Variants in PIK3R1 observed in about 807,000 individuals in gnomAD.
PIK3R1 encodes the protein phosphoinositide-3-kinase regulatory subunit 1.
PIK3R1 carries 29 observed loss-of-function variants against 98.0 expected under a neutral mutation model. That is an observed-to-expected ratio of 0.30 (90% CI 0.22 to 0.40). The LOEUF is 0.40. Among genes scored for constraint, PIK3R1 ranks in the 10% least tolerant of loss-of-function variants. PIK3R1 has a pLI of 1.00. For synonymous variants in PIK3R1, 282 were observed against 311.8 expected (o/e 0.90, Z 1.01); for missense variants, 596 against 872.7 (o/e 0.68, Z 3.99).
chr5:68,299,696 T>A lies in PIK3R1; in HGVS notation c.*2095T>A, dbSNP rs1295475194. 1 of 233,130 alleles carries A rather than the reference T, an allele frequency of 4.3e-6. No individual in the cohort carries two copies. The highest frequency in any genetic ancestry group is 8.5e-6 in the Non-Finnish European group (1 of 118,028). The allele number at this position is 233,130 out of a possible 1,614,324, so 14.4% of individuals were successfully genotyped here. On this transcript the variant is annotated 3_prime_UTR_variant, in exon 16 of 16. Coordinates refer to ENST00000521381, the MANE Select transcript of PIK3R1 (RefSeq NM_181523.3). The stretch of plus-strand genomic sequence containing the variant: ...TTTAAGTACTAGGGTGAGGGTTTTC[T>A]GTTACTTTGTTTTTTAATGTTGTTC...
At chr5:68,239,316 A>G (rs1021824290) in intron 2 of PIK3R1, among the ~76,000 whole-genome samples, 2 of 152,230 alleles carry the variant, frequency 1.3e-5, no homozygotes, top group African/African-American at 4.8e-5. Context: ...GCAACAAAGA[A>G]AGAATAAAAA....
intron 2 of PIK3R1, among the ~76,000 whole-genome samples, chr5:68,232,889 T>A (rs1383170839): frequency 6.6e-6 from 1 of 152,240 alleles, no homozygotes; most frequent in Non-Finnish European, 1.5e-5. Context: ...TATTTTGTTT[T>A]CTGGCAACTA....
At position 68,226,755 on chromosome 5, in the gene PIK3R1, G is replaced by T; in HGVS notation, c.80G>T (p.Gly27Val). ...GAAGAAGATATTGACTTGCACTTGG[G>T]TGACATATTGACTGTGAATAAAGGG... ...EREEDIDLHL[G>V]DILTVNKGSL... Residue 27 changes from glycine (G) to valine (V), a missense_variant, in exon 2 of 16, where the codon GGT (glycine) becomes GTT (valine). Around this residue, in one of 3 missense-constraint regions of PIK3R1, gnomAD observed 352 missense variants for 393.3 expected, o/e 0.90. Coordinates refer to ENST00000521381, the MANE Select transcript of PIK3R1 (RefSeq NM_181523.3). 6.2e-7 allele frequency: 1 copy of T among 1,614,110 alleles called. No individual in the cohort carries two copies. The highest frequency in any genetic ancestry group is 8.5e-7 in the Non-Finnish European group (1 of 1,179,990).
At chr5:68,257,480 G>C (rs555613186) in intron 2 of PIK3R1, among the ~76,000 whole-genome samples, 1 of 152,324 alleles carries the variant, frequency 6.6e-6, no homozygotes, top group Non-Finnish European at 1.5e-5. Context: ...CCCCACAGGG[G>C]AGTAATGTAT....
At position 68,298,403 on chromosome 5, in the gene PIK3R1, C is replaced by T. The variant is rs188971814; in HGVS notation, c.*802C>T. On this transcript the variant is annotated 3_prime_UTR_variant, in exon 16 of 16. Coordinates refer to ENST00000521381, the MANE Select transcript of PIK3R1 (RefSeq NM_181523.3). ...GTTTTGCTGAAGGCTAAATTCACAG[C>T]GCTATGCAATTCTTAATTTTCATTA... is the stretch of plus-strand genomic sequence containing the variant. 148 of 233,124 alleles carry T rather than the reference C, an allele frequency of 6.3e-4. 2 individuals are homozygous for T. Among genetic ancestry groups the T allele is most frequent in the African/African-American group, 2.8e-3 (126 of 45,412 alleles). 14.4% of individuals were successfully genotyped at this position (233,124 alleles called of 1,614,324 possible).
chr5:68,279,814 A>C, intron 5 of PIK3R1, 81 bp downstream of exon 5: 1 of 1,364,114 alleles, frequency 7.3e-7, no homozygotes, highest in Non-Finnish European at 1.0e-6. Flanking sequence ...CATATATAGA[A>C]ATAGTGGTTA....
intron 2 of PIK3R1, among the ~76,000 whole-genome samples, chr5:68,255,663 G>A (rs1745486150): frequency 6.6e-6 from 1 of 152,060 alleles, no homozygotes; most frequent in African/African-American, 2.4e-5. Flanking sequence ...TTTCTAACTT[G>A]GAAGGAAATC....
chr5:68,285,500 C>T (rs1052108612), intron 7 of PIK3R1, among the ~76,000 whole-genome samples: 2 of 152,182 alleles, frequency 1.3e-5, no homozygotes, highest in Admixed American at 6.5e-5. Flanking sequence ...TGAAAAATTA[C>T]ATGTTTGTAG....
chr5:68,293,380 G>C lies in PIK3R1; in HGVS notation c.1196G>C (p.Ser399Thr), dbSNP rs1747499402. Residue 399 changes from serine (S) to threonine (T), a missense_variant, in exon 10 of 16, where the codon AGT becomes ACT. Physicochemically the swap from Ser to Thr is moderately conservative, Grantham distance 58. Coordinates refer to ENST00000521381, the MANE Select transcript of PIK3R1 (RefSeq NM_181523.3). Reference protein sequence around the residue: ...KYGFSDPLTFSSVVELINHYR... With the variant: ...KYGFSDPLTFTSVVELINHYR... ...GGCTTCTCTGACCCATTAACCTTCAGTTCTGTGGTTGAATTAATAAACCAC... is the reference window on the plus strand; with the variant it reads ...GGCTTCTCTGACCCATTAACCTTCACTTCTGTGGTTGAATTAATAAACCAC... The C allele has an allele frequency of 6.2e-7, 1 of 1,613,136 alleles. No homozygotes were observed. Among genetic ancestry groups the C allele is most frequent in the African/African-American group, 1.3e-5 (1 of 74,980 alleles).
At chr5:68,242,013 A>G (rs1744890233) in intron 2 of PIK3R1, among the ~76,000 whole-genome samples, 1 of 152,264 alleles carries the variant, frequency 6.6e-6, no homozygotes, top group Non-Finnish European at 1.5e-5. Context: ...ATTTGCACAC[A>G]CATTTGGATA....
chr5:68,224,866 C>T (rs1184607939), intron 1 of PIK3R1, among the ~76,000 whole-genome samples: 1 of 152,232 alleles, frequency 6.6e-6, no homozygotes, highest in Non-Finnish European at 1.5e-5. Context: ...AATTCCCTTG[C>T]CTCCACTATG....
intron 2 of PIK3R1, among the ~76,000 whole-genome samples, chr5:68,260,151 T>C (rs943488954): frequency 3.9e-5 from 6 of 152,192 alleles, no homozygotes; most frequent in African/African-American, 1.4e-4. Context: ...TAAGGGCAGC[T>C]TTTAGTATAT....
At position 68,301,178 on chromosome 5, in the gene PIK3R1, G is replaced by T; in HGVS notation, c.*3577G>T. 1 of 222,738 alleles carries T rather than the reference G, an allele frequency of 4.5e-6. No individual in the cohort carries two copies. 13.8% of individuals were successfully genotyped at this position (222,738 alleles called of 1,614,324 possible). A position where few individuals can be genotyped will look rare whatever the true frequency, so the allele number is the denominator to read the frequency against. Reference sequence around the variant, plus strand: ...CAGTTTAAAGCACAATGTCTCACATGGGACAAAGTTCCAAAATGCCAAATT... The same window carrying T: ...CAGTTTAAAGCACAATGTCTCACATTGGACAAAGTTCCAAAATGCCAAATT... On this transcript the variant is annotated 3_prime_UTR_variant, in exon 16 of 16. Transcript: ENST00000521381.
At chr5:68,235,872 A>ATTTTTTTTTTT (rs56930555) in intron 2 of PIK3R1, among the ~76,000 whole-genome samples, 1 of 146,644 alleles carries the variant, frequency 6.8e-6, no homozygotes. Context: ...TCTGCCAGGC[A>ATTTTTTTTTTT]TTTTTTTTTT....
rs761724540 is a variant in PIK3R1 at position 68,271,139 on chromosome 5, G to A, written c.335-2251G>A. ...TTACTAGCCCATTCCTGGATGTTCC[G>A]ATTCTGAAGATTTAGGGTGGTACCT... is the stretch of plus-strand genomic sequence containing the variant. On this transcript the variant is annotated intron_variant, in intron 2 of 15. Coordinates refer to ENST00000521381, the MANE Select transcript of PIK3R1 (RefSeq NM_181523.3). 5.9e-5 allele frequency among the ~76,000 whole-genome samples: 9 copies of A among 152,074 alleles called. No homozygotes were observed. In the South Asian group the frequency reaches 6.2e-4, roughly 10 times the overall value.
chr5:68,262,456 A>G (rs951994439), intron 2 of PIK3R1, among the ~76,000 whole-genome samples: 20 of 146,616 alleles, frequency 1.4e-4, no homozygotes, highest in Non-Finnish European at 2.6e-4. Flanking sequence ...TAGAATACAT[A>G]TATATATCTA....
rs1471525456 is a variant in PIK3R1, at chr5:68,274,009, T to C, written c.498T>C (p.Asp166=). 2 of 1,612,656 alleles carry C rather than the reference T, an allele frequency of 1.2e-6. No homozygotes were observed. Among genetic ancestry groups the C allele is most frequent in the Admixed American group, 3.3e-5 (2 of 59,996 alleles). Residue 166 remains aspartate (D), a synonymous_variant, in exon 4 of 16, where the codon GAT becomes GAC. Coordinates refer to ENST00000521381, the MANE Select transcript of PIK3R1 (RefSeq NM_181523.3). ...TGGCAGAATTACGACAGCTTCTTGA[T>C]TGTGGTGAGTGTCACAGAGCTAGAA... The part of the protein sequence containing the change: ...SNLAELRQLL[D]CDTPSVDLEM...
intron 2 of PIK3R1, among the ~76,000 whole-genome samples, chr5:68,258,575 G>C (rs1216209129): frequency 1.3e-5 from 2 of 152,172 alleles, no homozygotes; most frequent in Non-Finnish European, 2.9e-5. Flanking sequence ...ACCTAAGCAG[G>C]CCTTAGGTTT....
At chr5:68,246,086 G>A (rs1745073148) in intron 2 of PIK3R1, among the ~76,000 whole-genome samples, 1 of 152,142 alleles carries the variant, frequency 6.6e-6, no homozygotes, top group African/African-American at 2.4e-5. Context: ...GCATTTATAA[G>A]TCTTGTCCCT....
Sources: allele counts gnomAD v4.1 joint callset (sites outside exome capture counted in the v4.1 genomes callset), GRCh38; gene constraint gnomAD v4.1.1; regional missense constraint gnomAD v4.1.1; transcripts MANE v1.5; gene names NCBI Gene and HGNC (gene_info 2026-07-23, HGNC 2026-07-21).